Variants in FLNB observed in about 807,000 individuals in gnomAD.
FLNB encodes the protein filamin-B.
In FLNB, 111 loss-of-function variants were observed where a neutral mutation model predicts 250.6. The observed-to-expected ratio is 0.44, with a 90% CI of 0.38 to 0.52. The LOEUF is 0.52. Ranked by LOEUF, FLNB falls within the 20% of genes least tolerant of loss-of-function variation. The pLI, the probability that FLNB is intolerant of heterozygous loss-of-function variation, is 0.00. For synonymous variants in FLNB, 1,302 were observed against 1,372.1 expected (o/e 0.95, Z 1.13); for missense variants, 2,869 against 3,447.8 (o/e 0.83, Z 4.20).
rs11706984 is a variant in FLNB, at chr3:58,148,530, C to T, written c.5888-119C>T. 2,842 of 1,222,158 alleles carry T rather than the reference C, an allele frequency of 2.3e-3. 5 individuals carry two copies. The highest frequency in any genetic ancestry group is 3.0e-3 in the Non-Finnish European group (2,550 of 842,368). The allele number at this position is 1,222,158 out of a possible 1,614,324, so 75.7% of individuals were successfully genotyped here. A position where few individuals can be genotyped will look rare whatever the true frequency, so the allele number is the denominator to read the frequency against. The stretch of plus-strand genomic sequence containing the variant: ...CAAGCGTATTTGTGCATTGTGATAT[C>T]GACACTCTGGATTGTTGGGTGTCAG... On this transcript the variant is annotated intron_variant, in intron 35 of 45. Coordinates refer to ENST00000295956, the MANE Select transcript of FLNB (RefSeq NM_001457.4).
intron 1 of FLNB, among the ~76,000 whole-genome samples, chr3:58,042,181 G>C (rs1438498186): frequency 6.6e-6 from 1 of 152,090 alleles, no homozygotes; most frequent in Non-Finnish European, 1.5e-5. Flanking sequence ...TGCTGGCCTG[G>C]TTTTTCTAAT....
intron 13 of FLNB, 104 bp from the exon 14 acceptor site, chr3:58,109,075 G>A: frequency 3.6e-6 from 5 of 1,394,798 alleles, no homozygotes; most frequent in Non-Finnish European, 5.1e-6. Context: ...AAGTTTTGTT[G>A]TATAAGCAAG....
chr3:58,079,794 G>A (rs1348324030), intron 3 of FLNB, among the ~76,000 whole-genome samples: 5 of 152,244 alleles, frequency 3.3e-5, no homozygotes, highest in Middle Eastern at 3.4e-3. Flanking sequence ...CATGAGTCCC[G>A]TGTCCAAAGG....
At chr3:58,109,841 G>GTT (rs2107120540) in intron 15 of FLNB, 142 bp downstream of exon 15, 2 of 1,400,270 alleles carry the variant, frequency 1.4e-6, no homozygotes, top group Non-Finnish European at 2.0e-6. Flanking sequence ...TCATTCCTTA[G>GTT]TGATATCTTT....
chr3:58,111,618 C>T (rs2097268871), intron 16 of FLNB, among the ~76,000 whole-genome samples, 173 bp from the exon 17 acceptor site: 1 of 152,172 alleles, frequency 6.6e-6, no homozygotes, highest in Non-Finnish European at 1.5e-5. Context: ...AGGCCCTTTC[C>T]CAATGCTGGG....
At chr3:58,023,409 T>C (rs1362224243) in intron 1 of FLNB, among the ~76,000 whole-genome samples, 1 of 152,128 alleles carries the variant, frequency 6.6e-6, no homozygotes, top group Admixed American at 6.6e-5. Flanking sequence ...TAAATTTTTA[T>C]TGGAGCATTA....
chr3:58,055,630 A>T (rs13317295), intron 1 of FLNB, among the ~76,000 whole-genome samples: 8,807 of 152,268 alleles, frequency 0.058, 821 homozygotes, highest in African/African-American at 0.2. Context: ...GGTGTGTAGT[A>T]GGGAAAACTA....
chr3:58,169,856 A>C lies in FLNB; in HGVS notation c.7621+63A>C. On this transcript the variant is annotated intron_variant, in intron 45 of 45. Coordinates refer to ENST00000295956, the MANE Select transcript of FLNB (RefSeq NM_001457.4). This position sits in a 1 kb window ranked among gnomAD's most constrained non-coding sequence, Gnocchi z 4.8. ...GGGGCAGGCTGGGCACCCTGGGTAC[A>C]CTGGCCTTCCCTGCTGAGGTCTCCT... 1 of 1,412,298 alleles carries C rather than the reference A, an allele frequency of 7.1e-7. No individual in the cohort carries two copies. Among genetic ancestry groups the C allele is most frequent in the Non-Finnish European group, 9.9e-7 (1 of 1,011,258 alleles). 87.5% of individuals were successfully genotyped at this position (1,412,298 alleles called of 1,614,324 possible).
chr3:58,089,310 C>T lies in FLNB; in HGVS notation c.788-5526C>T, dbSNP rs923365025. 6.6e-5 allele frequency among the ~76,000 whole-genome samples: 10 copies of T among 151,986 alleles called. No individual in the cohort carries two copies. In the East Asian group the frequency reaches 1.2e-3, roughly 18 times the overall value. Reference sequence around the variant, plus strand: ...TTGTAATCCCAGGACTTTGGGAGGCCGAGGCGGGCAGATCACCTGAGGTCA... The same window carrying T: ...TTGTAATCCCAGGACTTTGGGAGGCTGAGGCGGGCAGATCACCTGAGGTCA... On this transcript the variant is annotated intron_variant, in intron 4 of 45. Transcript: ENST00000295956.
intron 1 of FLNB, among the ~76,000 whole-genome samples, chr3:58,056,625 G>A (rs139406346): frequency 3.9e-5 from 6 of 152,130 alleles, no homozygotes; most frequent in South Asian, 2.1e-4. Context: ...TTTTTGAGAC[G>A]GAGTCTCGCT....
In FLNB at chr3:58,122,824, T is replaced by C. The variant is rs12488642; in HGVS notation, c.3127-269T>C. Among the ~76,000 whole-genome samples, 74,361 of 151,986 alleles carry C rather than the reference T, an allele frequency of 0.49. 21,085 individuals are homozygous for C. Among genetic ancestry groups the C allele is most frequent in the East Asian group, 0.97 (5,024 of 5,160 alleles). ...GGCCTGTGATTTAGAAGGGTCAGGT[T>C]GGGTAGGAGAGAGGAGAGTCTTGGA... On this transcript the variant is annotated intron_variant, in intron 20 of 45. Coordinates refer to ENST00000295956, the MANE Select transcript of FLNB (RefSeq NM_001457.4).
chr3:58,127,872 T>TGG (rs1228434710), intron 24 of FLNB, among the ~76,000 whole-genome samples: 2 of 152,242 alleles, frequency 1.3e-5, no homozygotes, highest in Non-Finnish European at 2.9e-5. Context: ...TCAATAGCTT[T>TGG]GGGGTACAAG....
At chr3:58,062,399 T>G (rs1261457875) in intron 1 of FLNB, among the ~76,000 whole-genome samples, 3 of 152,244 alleles carry the variant, frequency 2.0e-5, no homozygotes, top group Non-Finnish European at 4.4e-5. Flanking sequence ...AATGTAAAGT[T>G]TATTTAACCA....
chr3:58,111,900 G>T lies in FLNB; in HGVS notation c.2575+19G>T. 2 of 1,601,316 alleles carry T rather than the reference G, an allele frequency of 1.2e-6. No homozygotes were observed. On this transcript the variant is annotated intron_variant, in intron 17 of 45. Transcript: ENST00000295956. ...AAAGCAGGTAAGATGGCACGTCTAG[G>T]TTGTCCTGGGCCCCTCTGCCAGCCG...
intron 20 of FLNB, among the ~76,000 whole-genome samples, 200 bp from the exon 21 acceptor site, chr3:58,122,893 G>A (rs1243175174): frequency 3.9e-5 from 6 of 152,264 alleles, no homozygotes; most frequent in East Asian, 1.9e-4. Flanking sequence ...GTGGGTTTTC[G>A]CTGGTGATTG....
chr3:58,147,673 T>C (rs541270067), intron 34 of FLNB, among the ~76,000 whole-genome samples: 2 of 152,210 alleles, frequency 1.3e-5, no homozygotes, highest in South Asian at 4.1e-4. Flanking sequence ...TTTTATTTTA[T>C]TTTTGAGACA....
At chr3:58,162,528 T>C (rs2097363476) in intron 42 of FLNB, 1 of 152,332 alleles carries the variant, frequency 6.6e-6, no homozygotes, top group Admixed American at 6.5e-5. Context: ...TAGAGAAACA[T>C]AGAAGAAGTG....
intron 24 of FLNB, among the ~76,000 whole-genome samples, chr3:58,128,372 A>G (rs918904588): frequency 2.0e-5 from 3 of 152,106 alleles, no homozygotes; most frequent in Non-Finnish European, 4.4e-5. Flanking sequence ...TTTCTCCTCA[A>G]ACTTGTGCTT....
At chr3:58,060,958 C>T (rs751339026) in intron 1 of FLNB, among the ~76,000 whole-genome samples, 8 of 152,012 alleles carry the variant, frequency 5.3e-5, no homozygotes, top group East Asian at 1.9e-4. Flanking sequence ...TTGTCCAGGA[C>T]GGGTGTGTCT....
Sources: gnomAD v4.1 joint callset for allele counts (sites outside exome capture counted in the v4.1 genomes callset) on GRCh38, gnomAD v4.1.1 for gene constraint, Gnocchi (gnomAD v3.1) non-coding constraint, MANE v1.5 for transcripts, NCBI Gene and HGNC (gene_info 2026-07-23, HGNC 2026-07-21) for gene names.